Variants in ZNF385D observed in about 807,000 individuals in gnomAD.
ZNF385D encodes the protein zinc finger protein 385D, also known as zinc finger protein 659.
Under a neutral mutation model 35.8 loss-of-function variants are expected in ZNF385D, and 15 were observed. That is an observed-to-expected ratio of 0.42 (90% CI 0.28 to 0.64). The LOEUF (loss-of-function observed/expected upper bound fraction) is 0.64, where lower values mean the gene tolerates loss of function less well. Ranked by LOEUF, ZNF385D falls within the 30% of genes least tolerant of loss-of-function variation. ZNF385D has a pLI of 0.23. For synonymous variants in ZNF385D, 212 were observed against 186.8 expected, an observed-to-expected ratio of 1.13 and a Z score of -1.10; for missense variants, 474 against 494.6, an observed-to-expected ratio of 0.96 and a Z score of 0.39.
At chr3:21,707,338 G>C (rs952809047) in intron 1 of ZNF385D, among the ~76,000 whole-genome samples, 2 of 152,110 alleles carry the variant, frequency 1.3e-5, no homozygotes, top group Admixed American at 1.3e-4. Flanking sequence ...ACAGTCCTTT[G>C]GTACAGTAGG....
intron 3 of ZNF385D, among the ~76,000 whole-genome samples, chr3:21,807,237 A>G (rs2072692964): frequency 6.6e-6 from 1 of 152,226 alleles, no homozygotes; most frequent in African/African-American, 2.4e-5. Flanking sequence ...TGCATTTTTT[A>G]TAAGCAAAGT....
chr3:22,362,245 GAA>G (rs1373794761), intron 2 of ZNF385D, among the ~76,000 whole-genome samples: 1 of 151,792 alleles, frequency 6.6e-6, no homozygotes, highest in Non-Finnish European at 1.5e-5. Context: ...TCTGAAAAGA[GAA>G]AACTCTAAGT....
At chr3:22,216,666 G>C (rs1697907116) in intron 2 of ZNF385D, among the ~76,000 whole-genome samples, 1 of 152,150 alleles carries the variant, frequency 6.6e-6, no homozygotes, top group Admixed American at 6.6e-5. Flanking sequence ...TCATAGAGAA[G>C]ATGGAATGTC....
intron 3 of ZNF385D, among the ~76,000 whole-genome samples, chr3:22,087,227 TC>T (rs1293609487): frequency 1.4e-5 from 2 of 144,848 alleles, no homozygotes; most frequent in Non-Finnish European, 3.1e-5. Context: ...AGCAATAAAC[TC>T]TTTTTTTTTC....
At chr3:22,323,449 C>T (rs1021512771) in intron 2 of ZNF385D, among the ~76,000 whole-genome samples, 1 of 152,116 alleles carries the variant, frequency 6.6e-6, no homozygotes, top group Non-Finnish European at 1.5e-5. Context: ...TCCCTATACA[C>T]ACACATGTAA....
intron 3 of ZNF385D, among the ~76,000 whole-genome samples, chr3:21,847,845 T>G (rs1010084293): frequency 6.6e-6 from 1 of 152,072 alleles, no homozygotes; most frequent in African/African-American, 2.4e-5. Flanking sequence ...GTAGGAATAT[T>G]TAACATGAGA....
intron 2 of ZNF385D, among the ~76,000 whole-genome samples, chr3:22,258,772 T>A (rs1700451356): frequency 6.6e-6 from 1 of 151,802 alleles, no homozygotes; most frequent in African/African-American, 2.4e-5. Flanking sequence ...ATTATTTGCA[T>A]GTTAAAATAA....
At chr3:21,674,315 TAATGGAGACC>T (rs1156620144) in intron 1 of ZNF385D, among the ~76,000 whole-genome samples, 1 of 152,002 alleles carries the variant, frequency 6.6e-6, no homozygotes, top group Non-Finnish European at 1.5e-5. Context: ...GAGGGTATCA[TAATGGAGACC>T]AATGGAGACA....
chr3:21,941,079 G>T (rs1701492544), intron 3 of ZNF385D, among the ~76,000 whole-genome samples: 1 of 152,106 alleles, frequency 6.6e-6, no homozygotes, highest in African/African-American at 2.4e-5. Flanking sequence ...GAAAAAAGAT[G>T]ACACAATTTA....
intron 3 of ZNF385D, among the ~76,000 whole-genome samples, chr3:21,982,419 T>C (rs965877303): frequency 6.6e-6 from 1 of 152,166 alleles, no homozygotes; most frequent in East Asian, 1.9e-4. Context: ...TAAGTGAGTT[T>C]TGTGCATTGA....
Position 21,505,854 on chromosome 3 carries a change from T to A in ZNF385D, c.439+5007A>T, listed in dbSNP as rs917225336. On this transcript the variant is annotated intron_variant, in intron 4 of 7. Transcript: ENST00000281523. ...TGTTTCCTTAGTATGCATGCATACA[T>A]CCCCCCTTTGTCAATATTCATAGCT... Among the ~76,000 whole-genome samples the A allele has an allele frequency of 4.5e-4, 68 of 152,096 alleles. 2 individuals carry two copies. Among genetic ancestry groups the A allele is most frequent in the Non-Finnish European group, 1.0e-4 (7 of 68,022 alleles).
chr3:21,931,245 T>C (rs1700992439), intron 3 of ZNF385D, among the ~76,000 whole-genome samples: 1 of 152,148 alleles, frequency 6.6e-6, no homozygotes, highest in Non-Finnish European at 1.5e-5. Flanking sequence ...CAATGATATA[T>C]AATTTTTTTA....
At chr3:21,501,608 G>T (rs896015471) in intron 4 of ZNF385D, among the ~76,000 whole-genome samples, 1 of 152,140 alleles carries the variant, frequency 6.6e-6, no homozygotes, top group Non-Finnish European at 1.5e-5. Context: ...CTAATTGTCT[G>T]CATGTTTTCA....
chr3:22,004,861 T>C (rs553266425), intron 3 of ZNF385D, among the ~76,000 whole-genome samples: 2 of 152,098 alleles, frequency 1.3e-5, no homozygotes, highest in African/African-American at 4.8e-5. Context: ...TCACATATAT[T>C]GATTGATGTC....
intron 3 of ZNF385D, among the ~76,000 whole-genome samples, chr3:22,015,163 GA>G (rs780953422): frequency 2.9e-4 from 44 of 152,054 alleles, no homozygotes; most frequent in Non-Finnish European, 5.4e-4. Flanking sequence ...GCCAATTACA[GA>G]ATTCAGTTTA....
chr3:21,863,185 C>G (rs1231321187), intron 3 of ZNF385D, among the ~76,000 whole-genome samples: 2 of 152,030 alleles, frequency 1.3e-5, no homozygotes, highest in African/African-American at 4.8e-5. Context: ...TGATATTGAA[C>G]TAGAAGTTTC....
intron 3 of ZNF385D, among the ~76,000 whole-genome samples, chr3:21,763,953 G>A (rs551431823): frequency 6.6e-6 from 1 of 152,158 alleles, no homozygotes; most frequent in Non-Finnish European, 1.5e-5. Context: ...AACTAAGACA[G>A]ATTTTTGGCC....
At chr3:21,956,578 G>A (rs1190389142) in intron 3 of ZNF385D, among the ~76,000 whole-genome samples, 1 of 151,972 alleles carries the variant, frequency 6.6e-6, no homozygotes, top group African/African-American at 2.4e-5. Context: ...GGCCAACAGA[G>A]TGACATATTT....
chr3:21,726,112 C>A (rs552490863), intron 1 of ZNF385D, among the ~76,000 whole-genome samples: 11 of 152,102 alleles, frequency 7.2e-5, no homozygotes, highest in African/African-American at 2.7e-4. Context: ...AGAAGGCCTT[C>A]GACAAAATTC....
Sources: allele counts gnomAD v4.1 joint callset (sites outside exome capture counted in the v4.1 genomes callset), GRCh38; gene constraint gnomAD v4.1.1; transcripts MANE v1.5; gene names NCBI Gene and HGNC (gene_info 2026-07-23, HGNC 2026-07-21).